The following DENND1B variants were observed in gnomAD, a reference collection of about 807,000 sequenced individuals.
DENND1B encodes DENN domain containing 1B, also known as DENN domain-containing protein 1B.
Under a neutral mutation model 90.1 loss-of-function variants are expected in DENND1B, and 59 were observed. The observed-to-expected ratio is 0.65, with a 90% CI of 0.53 to 0.81. The LOEUF is 0.81. Among genes scored for constraint, DENND1B ranks in the 40% least tolerant of loss-of-function variants. DENND1B has a pLI of 0.00. For missense variants in DENND1B, 862 were observed against 912.6 expected (o/e 0.94, Z 0.71); for synonymous variants, 337 against 324.6 (o/e 1.04, Z -0.41).
At chr1:197,777,770 A>G (rs944465284), upstream of DENND1B, among the ~76,000 whole-genome samples, 5 of 152,162 alleles carry the variant, frequency 3.3e-5, no homozygotes, top group Non-Finnish European at 5.9e-5. Context: ...GTCAAAGAAC[A>G]TGGTCTTTAT....
At chr1:197,540,113 C>A in intron 19 of DENND1B, 42 bp from the exon 20 acceptor site, 2 of 1,344,892 alleles carry the variant, frequency 1.5e-6, no homozygotes, top group South Asian at 2.6e-5. Context: ...GTAAAGTACT[C>A]CTTTTATTAC....
At chr1:197,751,569 C>T (rs775772396) in intron 2 of DENND1B, among the ~76,000 whole-genome samples, 1 of 152,144 alleles carries the variant, frequency 6.6e-6, no homozygotes, top group East Asian at 1.9e-4. Flanking sequence ...GTCAGCCAGG[C>T]GCGGTGGCTC....
chr1:197,667,810 T>C (rs540285141), intron 5 of DENND1B, among the ~76,000 whole-genome samples: 1 of 151,596 alleles, frequency 6.6e-6, no homozygotes, highest in South Asian at 2.1e-4. Flanking sequence ...CACGCACATA[T>C]TTTACCTGGT....
Position 197,607,178 on chromosome 1 carries a change from T to A in DENND1B, c.820-4A>T, listed in dbSNP as rs752416097. 7.1e-7 allele frequency: 1 copy of A among 1,403,952 alleles called. No individual in the cohort carries two copies. The highest frequency in any genetic ancestry group is 9.3e-7 in the Non-Finnish European group (1 of 1,070,012). 87.0% of individuals were successfully genotyped at this position (1,403,952 alleles called of 1,614,324 possible). ...CCAATGATTTGTTTTTCACTCTCTATAAAAAAAACACAATTATGAATACAA... is the reference window on the plus strand; with the variant it reads ...CCAATGATTTGTTTTTCACTCTCTAAAAAAAAAACACAATTATGAATACAA... On this transcript the variant is annotated splice_polypyrimidine_tract_variant and splice_region_variant and intron_variant, in intron 12 of 22. Coordinates refer to ENST00000620048, the MANE Select transcript of DENND1B (RefSeq NM_001195215.2).
chr1:197,646,987 T>C (rs1438261276), intron 8 of DENND1B, 68 bp downstream of exon 8: 3 of 1,194,586 alleles, frequency 2.5e-6, no homozygotes, highest in African/African-American at 1.6e-5. Flanking sequence ...CTTAAAGGCA[T>C]AGTGAAATAA....
At chr1:197,735,879 A>G in intron 2 of DENND1B, 2 of 1,554,060 alleles carry the variant, frequency 1.3e-6, no homozygotes, top group East Asian at 2.2e-5. Context: ...GCAGGGGGCT[A>G]TTACAGGTGC....
intron 20 of DENND1B, among the ~76,000 whole-genome samples, chr1:197,520,821 A>G (rs982894899): frequency 7.2e-5 from 11 of 151,970 alleles, no homozygotes; most frequent in Admixed American, 2.0e-4. Context: ...CTAGGGCCTA[A>G]ACACACATAA....
At chr1:197,721,169 A>G (rs1571496703) in intron 2 of DENND1B, among the ~76,000 whole-genome samples, 1 of 146,076 alleles carries the variant, frequency 6.8e-6, no homozygotes, top group Non-Finnish European at 1.5e-5. Context: ...TCCCGGGTTC[A>G]TGCCATTCTC....
chr1:197,637,940 C>T (rs1049285488), intron 10 of DENND1B, among the ~76,000 whole-genome samples: 1 of 152,174 alleles, frequency 6.6e-6, no homozygotes, highest in Non-Finnish European at 1.5e-5. Context: ...AGAGTCTCTG[C>T]ACTTCGGGTT....
At chr1:197,528,421 G>C (rs932959111) in intron 20 of DENND1B, among the ~76,000 whole-genome samples, 1 of 151,984 alleles carries the variant, frequency 6.6e-6, no homozygotes, top group East Asian at 1.9e-4. Context: ...CATAGCTATT[G>C]TGCTATGTTC....
chr1:197,638,130 G>C (rs908266609), intron 10 of DENND1B, among the ~76,000 whole-genome samples: 10 of 152,162 alleles, frequency 6.6e-5, no homozygotes, highest in Non-Finnish European at 1.5e-4. Flanking sequence ...GCCCTTGATG[G>C]AATTAATGAG....
In DENND1B at chr1:197,529,230, ATATATATATATATGTG is replaced by A. The variant is rs1170399920; in HGVS notation, c.1515+10718_1515+10733del. Among the ~76,000 whole-genome samples the A allele has an allele frequency of 3.0e-4, 4 of 13,376 alleles. No homozygotes were observed. In the East Asian group the frequency reaches 0.017, roughly 57 times the overall value. 8.8% of individuals were successfully genotyped at this position (13,376 alleles called of 152,430 possible). On this transcript the variant is annotated intron_variant, in intron 20 of 22. Coordinates refer to ENST00000620048, the MANE Select transcript of DENND1B (RefSeq NM_001195215.2). ...TATATATATATATATATATATATAT[ATATATATATATATGTG>A]TGTGTGTGTGTGTGTGTGTGTGTAT...
chr1:197,745,639 TA>T (rs1269613093), intron 2 of DENND1B, among the ~76,000 whole-genome samples: 1 of 132,908 alleles, frequency 7.5e-6, no homozygotes, highest in Non-Finnish European at 1.6e-5. Context: ...TATATATATA[TA>T]ATATATATAA....
At chr1:197,655,353 T>C (rs924900241) in intron 6 of DENND1B, among the ~76,000 whole-genome samples, 2 of 152,140 alleles carry the variant, frequency 1.3e-5, no homozygotes, top group South Asian at 2.1e-4. Flanking sequence ...GACACAGAGA[T>C]AGAACAGTTC....
At chr1:197,713,964 A>G (rs534202475) in intron 3 of DENND1B, among the ~76,000 whole-genome samples, 14 of 6,584 alleles carry the variant, frequency 2.1e-3, no homozygotes, top group African/African-American at 5.6e-3. Flanking sequence ...AATAATAAAT[A>G]TCACCCATAT....
At chr1:197,633,741 G>A (rs1317981987) in intron 10 of DENND1B, among the ~76,000 whole-genome samples, 1 of 152,070 alleles carries the variant, frequency 6.6e-6, no homozygotes, top group African/African-American at 2.4e-5. Context: ...CTACTGCCTG[G>A]TTCCTGCAGC....
At chr1:197,673,159 T>TAA (rs567914762) in intron 4 of DENND1B, among the ~76,000 whole-genome samples, 2 of 147,354 alleles carry the variant, frequency 1.4e-5, no homozygotes, top group Non-Finnish European at 3.0e-5. Flanking sequence ...AAACTTAAAA[T>TAA]AAAAAAAAAA....
At chr1:197,694,078 T>G (rs1406052984) in intron 3 of DENND1B, among the ~76,000 whole-genome samples, 1 of 151,400 alleles carries the variant, frequency 6.6e-6, no homozygotes, top group Non-Finnish European at 1.5e-5. Context: ...CTGACAATAC[T>G]TCCTTTAAAT....
intron 3 of DENND1B, among the ~76,000 whole-genome samples, chr1:197,691,966 A>G (rs888311570): frequency 5.3e-5 from 8 of 151,900 alleles, no homozygotes; most frequent in Non-Finnish European, 1.2e-4. Context: ...CCGTGAGTAG[A>G]GAGAAATGGC....
Sources: allele counts gnomAD v4.1 joint callset (sites outside exome capture counted in the v4.1 genomes callset), GRCh38; gene constraint gnomAD v4.1.1; transcripts MANE v1.5; gene names NCBI Gene and HGNC (gene_info 2026-07-23, HGNC 2026-07-21).